The following EPHA3 variants were observed in gnomAD, a reference collection of about 807,000 sequenced individuals.
EPHA3 encodes the protein ephrin type-A receptor 3.
EPHA3 carries 42 observed loss-of-function variants against 107.1 expected under a neutral mutation model. That is an observed-to-expected ratio of 0.39 (90% CI 0.31 to 0.51). The LOEUF (loss-of-function observed/expected upper bound fraction) is 0.51, where lower values mean the gene tolerates loss of function less well. Among genes scored for constraint, EPHA3 ranks in the 20% least tolerant of loss-of-function variants. EPHA3 has a pLI of 0.78. For synonymous variants in EPHA3, 461 were observed against 424.8 expected (o/e 1.09, Z -1.05); for missense variants, 1,183 against 1,211.2 (o/e 0.98, Z 0.35).
At chr3:89,323,675 A>C (rs1246419239) in intron 3 of EPHA3, among the ~76,000 whole-genome samples, 1 of 152,132 alleles carries the variant, frequency 6.6e-6, no homozygotes. Flanking sequence ...AGAAATCAAA[A>C]CCAGTATTCT....
At chr3:89,247,963 T>G (rs1705075147) in intron 3 of EPHA3, among the ~76,000 whole-genome samples, 1 of 152,176 alleles carries the variant, frequency 6.6e-6, no homozygotes, top group African/African-American at 2.4e-5. Flanking sequence ...CTTTGTCTAT[T>G]GTTTATGATA....
chr3:89,377,319 A>G (rs1258097290), intron 5 of EPHA3, among the ~76,000 whole-genome samples: 1 of 152,138 alleles, frequency 6.6e-6, no homozygotes, highest in Non-Finnish European at 1.5e-5. Context: ...TTCATTTCAT[A>G]TGTACCCATT....
intron 15 of EPHA3, among the ~76,000 whole-genome samples, chr3:89,471,733 G>C (rs1035540783): frequency 9.2e-5 from 14 of 152,088 alleles, no homozygotes; most frequent in Middle Eastern, 3.4e-3. Flanking sequence ...GTCTCTGTGT[G>C]TGTGTGTGTA....
chr3:89,404,989 G>C (rs1403262295), intron 7 of EPHA3, among the ~76,000 whole-genome samples: 1 of 152,148 alleles, frequency 6.6e-6, no homozygotes, highest in African/African-American at 2.4e-5. Flanking sequence ...CAGATCTGTA[G>C]CCAATGGATA....
At chr3:89,457,073 T>G (rs1353995685) in intron 15 of EPHA3, among the ~76,000 whole-genome samples, 7 of 152,110 alleles carry the variant, frequency 4.6e-5, no homozygotes, top group Non-Finnish European at 8.8e-5. Context: ...ATTTGGAGTT[T>G]TCTGGTATTT....
chr3:89,344,812 G>T (rs958713765), intron 5 of EPHA3, among the ~76,000 whole-genome samples: 6 of 152,156 alleles, frequency 3.9e-5, no homozygotes, highest in Non-Finnish European at 7.3e-5. Context: ...TAAAAGCATT[G>T]TGATGATCAA....
chr3:89,254,877 G>A (rs1375760357), intron 3 of EPHA3, among the ~76,000 whole-genome samples: 4 of 152,128 alleles, frequency 2.6e-5, no homozygotes, highest in African/African-American at 9.7e-5. Flanking sequence ...GCTTCCTATA[G>A]GGAAGGCTTG....
At chr3:89,297,322 T>A (rs903962243) in intron 3 of EPHA3, among the ~76,000 whole-genome samples, 2 of 152,192 alleles carry the variant, frequency 1.3e-5, no homozygotes, top group African/African-American at 4.8e-5. Flanking sequence ...TGCAATACTT[T>A]CTTTCACTTG....
Position 89,408,090 on chromosome 3 carries a change from A to G in EPHA3, c.1721A>G (p.His574Arg). The change falls in exon 9 of 17, where the codon CAT becomes CGT. Residue 574 changes from histidine (H) to arginine (R), a missense_variant. Physicochemically the swap from His to Arg is conservative, Grantham distance 29 (BLOSUM62 0). Coordinates refer to ENST00000336596, the MANE Select transcript of EPHA3 (RefSeq NM_005233.6). ...IGRFCGYKSK[H>R]GADEKRLHFG... is the part of the protein sequence containing the mutation. ...AGGTTCTGTGGCTATAAGTCAAAAC[A>G]TGGGGCAGATGAAAAAAGACTTCAT... 1 of 1,612,960 alleles carries G rather than the reference A, an allele frequency of 6.2e-7. No homozygotes were observed. Among genetic ancestry groups the G allele is most frequent in the Non-Finnish European group, 8.5e-7 (1 of 1,179,156 alleles).
At chr3:89,162,000 TAATAATAATA>T (rs986961269) in intron 2 of EPHA3, among the ~76,000 whole-genome samples, 5 of 150,174 alleles carry the variant, frequency 3.3e-5, no homozygotes, top group East Asian at 3.9e-4. Flanking sequence ...ATAATAATAG[TAATAATAATA>T]AATAATAATA....
intron 1 of EPHA3, among the ~76,000 whole-genome samples, chr3:89,124,396 G>C (rs1488153720): frequency 2.0e-5 from 3 of 152,040 alleles, no homozygotes; most frequent in African/African-American, 7.2e-5. Flanking sequence ...CAGGAGATTT[G>C]AGGTTTGTAT....
rs1247634548 is a variant in EPHA3, at chr3:89,175,336, CAT to C, written c.154-34521_154-34520del. ...TTGGAAAAGTGTCAATATTTTATAA[CAT>C]ATTTTATACCAACCATACCCAGATT... On this transcript the variant is annotated intron_variant, in intron 2 of 16. Transcript: ENST00000336596. 3.3e-5 allele frequency among the ~76,000 whole-genome samples: 5 copies of C among 152,096 alleles called. No individual in the cohort carries two copies. The South Asian group carries it at 1.0e-3, about 32-fold the overall frequency.
intron 15 of EPHA3, among the ~76,000 whole-genome samples, chr3:89,456,203 C>T (rs570077997): frequency 2.0e-5 from 3 of 152,148 alleles, no homozygotes; most frequent in African/African-American, 7.2e-5. Flanking sequence ...GCATGTGTAC[C>T]TTTCTGTCAA....
At chr3:89,299,496 A>G (rs1454905449) in intron 3 of EPHA3, among the ~76,000 whole-genome samples, 1 of 152,020 alleles carries the variant, frequency 6.6e-6, no homozygotes, top group East Asian at 1.9e-4. Context: ...AAGTAACGGC[A>G]TCATCATAAA....
intron 5 of EPHA3, among the ~76,000 whole-genome samples, chr3:89,386,897 A>G (rs1417023526): frequency 6.6e-6 from 1 of 152,136 alleles, no homozygotes; most frequent in Admixed American, 6.5e-5. Context: ...TTGATTTTGG[A>G]CTTGCATGGG....
chr3:89,446,003 A>G (rs1466885739), intron 13 of EPHA3, among the ~76,000 whole-genome samples: 1 of 152,192 alleles, frequency 6.6e-6, no homozygotes, highest in East Asian at 1.9e-4. Context: ...TGTGCAGGCT[A>G]CAACAATTAC....
At chr3:89,178,233 A>G (rs1705360437) in intron 2 of EPHA3, among the ~76,000 whole-genome samples, 1 of 128,172 alleles carries the variant, frequency 7.8e-6, no homozygotes, top group Non-Finnish European at 1.8e-5. Context: ...TATAATCAAG[A>G]GACATATGTA....
At chr3:89,180,274 A>C (rs1422885573) in intron 2 of EPHA3, among the ~76,000 whole-genome samples, 1 of 151,884 alleles carries the variant, frequency 6.6e-6, no homozygotes, top group Non-Finnish European at 1.5e-5. Context: ...GGAAATATTT[A>C]GGCATTGTCC....
At chr3:89,265,055 A>C (rs948494678) in intron 3 of EPHA3, among the ~76,000 whole-genome samples, 46 of 152,334 alleles carry the variant, frequency 3.0e-4, no homozygotes, top group Middle Eastern at 3.4e-3. Context: ...ATTTTAACAT[A>C]TCCTTTGGAA....
Sources: gnomAD v4.1 joint callset for allele counts (sites outside exome capture counted in the v4.1 genomes callset) on GRCh38, gnomAD v4.1.1 for gene constraint, MANE v1.5 for transcripts, NCBI Gene and HGNC (gene_info 2026-07-23, HGNC 2026-07-21) for gene names.